The following ADGRV1 variants were observed in gnomAD, a reference collection of about 807,000 sequenced individuals.
ADGRV1 encodes adhesion G protein-coupled receptor V1.
ADGRV1 carries 359 observed loss-of-function variants against 596.2 expected under a neutral mutation model. That is an observed-to-expected ratio of 0.60 (90% CI 0.55 to 0.66). The LOEUF (loss-of-function observed/expected upper bound fraction) is 0.66. Among genes scored for constraint, ADGRV1 ranks in the 30% least tolerant of loss-of-function variants. ADGRV1 has a pLI of 0.00. For synonymous variants in ADGRV1, 2,681 were observed against 2,679.2 expected, an observed-to-expected ratio of 1.00 and a Z score of -0.02; for missense variants, 7,274 against 7,575.6, an observed-to-expected ratio of 0.96 and a Z score of 1.48.
At chr5:90,573,536 A>G (rs1467110421) in intron 1 of ADGRV1, among the ~76,000 whole-genome samples, 1 of 152,174 alleles carries the variant, frequency 6.6e-6, no homozygotes, top group African/African-American at 2.4e-5. Flanking sequence ...TTGTGTATCT[A>G]CACATACCTA....
rs751094041 is a variant in ADGRV1, at chr5:90,965,538, A to G, written c.17973+7A>G. ...TAGCTGGATGCTCATTCAGGTTGGT[A>G]CCTCATTCCCTCTCCCCGCCCCTTT... On this transcript the variant is annotated splice_region_variant and intron_variant, in intron 84 of 89. Transcript: ENST00000405460. The G allele has an allele frequency of 1.1e-4, 172 of 1,520,926 alleles. No homozygotes were observed. The South Asian group carries it at 1.9e-3, about 16-fold the overall frequency. 94.2% of individuals were successfully genotyped at this position (1,520,926 alleles called of 1,614,324 possible).
intron 1 of ADGRV1, among the ~76,000 whole-genome samples, chr5:90,595,000 C>T (rs373008152): frequency 6.2e-5 from 9 of 145,086 alleles, no homozygotes; most frequent in South Asian, 2.2e-4. Flanking sequence ...AGCTGTTGGG[C>T]ACACCTCCCA....
chr5:90,886,311 C>T (rs1009780762), intron 83 of ADGRV1, among the ~76,000 whole-genome samples: 6 of 152,164 alleles, frequency 3.9e-5, no homozygotes, highest in Non-Finnish European at 5.9e-5. Flanking sequence ...GACTCTTCCT[C>T]TCCTGGCCAA....
chr5:90,837,255 TC>T (rs1450609043), intron 77 of ADGRV1, among the ~76,000 whole-genome samples: 2 of 152,344 alleles, frequency 1.3e-5, no homozygotes, highest in East Asian at 3.9e-4. Flanking sequence ...CCAAATACTT[TC>T]TTTTATATAT....
chr5:90,595,596 G>T (rs1246766673), intron 1 of ADGRV1, among the ~76,000 whole-genome samples: 20 of 128,450 alleles, frequency 1.6e-4, no homozygotes, highest in Admixed American at 2.9e-4. Context: ...AGATGGGGCG[G>T]CTGGCCGGGC....
At chr5:90,714,063 G>A (rs1749753403) in intron 42 of ADGRV1, among the ~76,000 whole-genome samples, 1 of 152,136 alleles carries the variant, frequency 6.6e-6, no homozygotes, top group Non-Finnish European at 1.5e-5. Flanking sequence ...TACAGTGCAT[G>A]TTGAGTGAAA....
chr5:91,120,912 G>A (rs1215143018), intron 87 of ADGRV1, among the ~76,000 whole-genome samples: 7 of 152,186 alleles, frequency 4.6e-5, no homozygotes, highest in African/African-American at 9.7e-5. Flanking sequence ...TATGGCTCAC[G>A]CCTGTAATCC....
intron 85 of ADGRV1, among the ~76,000 whole-genome samples, chr5:91,050,134 T>C (rs1206445891): frequency 6.6e-6 from 1 of 152,246 alleles, no homozygotes; most frequent in Non-Finnish European, 1.5e-5. Context: ...AATAAAGCAT[T>C]AGGACTCTTT....
rs529708580 is a variant in ADGRV1 at position 91,100,357 on chromosome 5, A to G, written c.18311-1862A>G. Among the ~76,000 whole-genome samples, 8 of 152,238 alleles carry G rather than the reference A, an allele frequency of 5.3e-5. No homozygotes were observed. The East Asian group carries it at 1.5e-3, about 29-fold the overall frequency. On this transcript the variant is annotated intron_variant, in intron 86 of 89. Coordinates refer to ENST00000405460, the MANE Select transcript of ADGRV1 (RefSeq NM_032119.4). ...CAGGATGGCTTGAGCCCAGGAGGTC[A>G]AGCCTGCAGTGAGCTGTGACAACAC...
chr5:91,031,328 A>C, intron 85 of ADGRV1: 1 of 1,327,346 alleles, frequency 7.5e-7, no homozygotes. Flanking sequence ...ACTTGCTAAC[A>C]GATACAATCC....
intron 59 of ADGRV1, among the ~76,000 whole-genome samples, chr5:90,770,867 CAT>C (rs1293593855): frequency 3.9e-5 from 6 of 152,286 alleles, no homozygotes; most frequent in Admixed American, 6.5e-5. Flanking sequence ...CGTATCCAAA[CAT>C]ATGTGTCTTA....
intron 87 of ADGRV1, among the ~76,000 whole-genome samples, chr5:91,117,026 CTAAA>C (rs1792905122): frequency 6.6e-6 from 1 of 151,922 alleles, no homozygotes; most frequent in Non-Finnish European, 1.5e-5. Flanking sequence ...TTAGCTAAGA[CTAAA>C]TAATAGTAGG....
At position 90,622,983 on chromosome 5, in the gene ADGRV1, C is replaced by T. The variant is rs943957048; in HGVS notation, c.558+282C>T. On this transcript the variant is annotated intron_variant, in intron 5 of 89. Coordinates refer to ENST00000405460, the MANE Select transcript of ADGRV1 (RefSeq NM_032119.4). ...CTTGAACTCCTGGCCTCAGGTGATC[C>T]GCCCGCCTTGGCGTCCCAAAGTGCT... Among the ~76,000 whole-genome samples the T allele has an allele frequency of 1.6e-4, 24 of 152,252 alleles. No homozygotes were observed. In the South Asian group the frequency reaches 1.7e-3, roughly 11 times the overall value.
intron 87 of ADGRV1, among the ~76,000 whole-genome samples, chr5:91,129,411 G>C (rs1198316315): frequency 6.6e-6 from 1 of 152,122 alleles, no homozygotes; most frequent in Non-Finnish European, 1.5e-5. Flanking sequence ...GATGGGTAGG[G>C]TATAGTACTG....
intron 83 of ADGRV1, among the ~76,000 whole-genome samples, chr5:90,915,098 AAC>A (rs1340513814): frequency 6.6e-6 from 1 of 152,224 alleles, no homozygotes; most frequent in African/African-American, 2.4e-5. Flanking sequence ...AAATATTGCA[AAC>A]ATAAACTTTT....
intron 33 of ADGRV1, among the ~76,000 whole-genome samples, chr5:90,695,675 C>T (rs750325970): frequency 1.5e-4 from 21 of 143,494 alleles, no homozygotes; most frequent in South Asian, 4.4e-4. Flanking sequence ...ATATGTAATA[C>T]GCTTTTTGAA....
chr5:90,665,616 A>G (rs1771210329), intron 21 of ADGRV1, among the ~76,000 whole-genome samples: 1 of 148,984 alleles, frequency 6.7e-6, no homozygotes, highest in Non-Finnish European at 1.5e-5. Context: ...TATTTCCTTC[A>G]GTTCTGCTCT....
At chr5:90,678,978 A>G (rs1258406221) in intron 25 of ADGRV1, among the ~76,000 whole-genome samples, 1 of 152,212 alleles carries the variant, frequency 6.6e-6, no homozygotes, top group Non-Finnish European at 1.5e-5. Flanking sequence ...TACAGCTGGC[A>G]TCTTTCACAA....
At chr5:90,731,564 G>A (rs1020472889) in intron 50 of ADGRV1, among the ~76,000 whole-genome samples, 1 of 152,208 alleles carries the variant, frequency 6.6e-6, no homozygotes, top group Non-Finnish European at 1.5e-5. Flanking sequence ...AGAGGGAAAG[G>A]TATGAGCAAA....
Sources: allele counts gnomAD v4.1 joint callset (sites outside exome capture counted in the v4.1 genomes callset), GRCh38; gene constraint gnomAD v4.1.1; transcripts MANE v1.5; gene names NCBI Gene and HGNC (gene_info 2026-07-23, HGNC 2026-07-21).